The following GNA14 variants were observed in gnomAD, a reference collection of about 807,000 sequenced individuals.
GNA14 encodes the protein G protein subunit alpha 14, also known as guanine nucleotide-binding protein subunit alpha-14.
In GNA14, 50 loss-of-function variants were observed where a neutral mutation model predicts 42.0. The observed-to-expected ratio is 1.19, with a 90% confidence interval of 0.95 to 1.51. The LOEUF (loss-of-function observed/expected upper bound fraction) is 1.51, where lower values mean the gene tolerates loss of function less well. Among genes scored for constraint, GNA14 ranks in the 40% most tolerant of loss-of-function variants. The pLI, the probability that GNA14 is intolerant of heterozygous loss-of-function variation, is 0.00. For missense variants in GNA14, 473 were observed against 446.2 expected (o/e 1.06, Z -0.54); for synonymous variants, 173 against 163.1 (o/e 1.06, Z -0.46).
chr9:77,620,416 G>T (rs1421137011), intron 1 of GNA14, among the ~76,000 whole-genome samples: 1 of 152,198 alleles, frequency 6.6e-6, no homozygotes. Flanking sequence ...TCATCAAACA[G>T]ATGATGCAGC....
At chr9:77,616,370 C>T (rs1018148812) in intron 1 of GNA14, among the ~76,000 whole-genome samples, 7 of 152,186 alleles carry the variant, frequency 4.6e-5, no homozygotes, top group East Asian at 1.9e-4. Flanking sequence ...CTAATCAGAA[C>T]GGATACTGTT....
intron 1 of GNA14, among the ~76,000 whole-genome samples, chr9:77,553,774 A>C (rs1837813309): frequency 6.6e-6 from 1 of 152,208 alleles, no homozygotes; most frequent in Admixed American, 6.5e-5. Flanking sequence ...AAAAATTCCA[A>C]TTCTAGGATA....
At chr9:77,539,461 T>C (rs868842091) in intron 1 of GNA14, among the ~76,000 whole-genome samples, 7 of 152,174 alleles carry the variant, frequency 4.6e-5, no homozygotes, top group Admixed American at 1.3e-4. Flanking sequence ...TATTCGCCTG[T>C]TGTTTTCTTT....
intron 2 of GNA14, among the ~76,000 whole-genome samples, chr9:77,490,516 G>A (rs916853673): frequency 1.1e-4 from 17 of 152,252 alleles, no homozygotes; most frequent in Non-Finnish European, 2.1e-4. Flanking sequence ...CTGCAGTCCC[G>A]AGGCCTGCCT....
At chr9:77,605,135 G>T (rs1238042805) in intron 1 of GNA14, among the ~76,000 whole-genome samples, 2 of 152,182 alleles carry the variant, frequency 1.3e-5, no homozygotes, top group South Asian at 2.1e-4. Flanking sequence ...TTCGTTAAAA[G>T]ATTTAAATCT....
chr9:77,583,929 G>A (rs183732172), intron 1 of GNA14, among the ~76,000 whole-genome samples: 235 of 152,264 alleles, frequency 1.5e-3, no homozygotes, highest in African/African-American at 4.8e-3. Context: ...GGACAAACAC[G>A]ATGCTCCATT....
chr9:77,614,104 T>C (rs765373446), intron 1 of GNA14, among the ~76,000 whole-genome samples: 2 of 152,212 alleles, frequency 1.3e-5, no homozygotes, highest in Non-Finnish European at 2.9e-5. Context: ...CTCCTGTACA[T>C]GGAGTTCAAT....
At chr9:77,434,313 G>A in intron 3 of GNA14, 55 bp downstream of exon 3, 1 of 1,527,506 alleles carries the variant, frequency 6.5e-7, no homozygotes. Flanking sequence ...TCTTTGAAGT[G>A]TGGCCGAGCT....
intron 1 of GNA14, among the ~76,000 whole-genome samples, chr9:77,566,898 A>G (rs767716958): frequency 1.1e-4 from 16 of 152,168 alleles, no homozygotes; most frequent in Non-Finnish European, 2.1e-4. Flanking sequence ...GAACTTCAAT[A>G]GTCTCAAATG....
At chr9:77,489,552 C>T (rs903319653) in intron 2 of GNA14, among the ~76,000 whole-genome samples, 3 of 152,168 alleles carry the variant, frequency 2.0e-5, no homozygotes, top group African/African-American at 7.2e-5. Context: ...AGAATGAAGC[C>T]GCGGACCCTC....
Position 77,648,173 on chromosome 9 carries a change from G to A in GNA14, c.-380C>T, listed in dbSNP as rs942942273. On this transcript the variant is annotated 5_prime_UTR_variant, in exon 1 of 7. Transcript: ENST00000341700. ...GGGGGCGCAGACGAGTTGGAACGTCGGTGCTCGGGGGAGAGTAGGATCTCC... is the reference window on the plus strand; with the variant it reads ...GGGGGCGCAGACGAGTTGGAACGTCAGTGCTCGGGGGAGAGTAGGATCTCC... 1.3e-5 allele frequency: 4 copies of A among 306,102 alleles called. No homozygotes were observed. The highest frequency in any genetic ancestry group is 9.1e-5 in the African/African-American group (4 of 43,744). 19.0% of individuals were successfully genotyped at this position (306,102 alleles called of 1,614,324 possible). A position where few individuals can be genotyped will look rare whatever the true frequency, so the allele number is the denominator to read the frequency against.
intron 2 of GNA14, among the ~76,000 whole-genome samples, chr9:77,495,328 C>T (rs1185745057): frequency 6.6e-6 from 1 of 151,444 alleles, no homozygotes; most frequent in Non-Finnish European, 1.5e-5. Context: ...GAATTTTTCT[C>T]ATCTACCTTA....
chr9:77,565,745 A>G (rs546074337), intron 1 of GNA14, among the ~76,000 whole-genome samples: 2 of 152,240 alleles, frequency 1.3e-5, no homozygotes, highest in South Asian at 4.1e-4. Flanking sequence ...GGCGTGAGCC[A>G]CCGTGCCCAG....
chr9:77,469,365 T>TAAAA (rs10537760), intron 2 of GNA14, among the ~76,000 whole-genome samples: 2 of 116,934 alleles, frequency 1.7e-5, no homozygotes, highest in East Asian at 2.6e-4. Flanking sequence ...TAAACTGTGT[T>TAAAA]AAAAAAAAAA....
intron 2 of GNA14, among the ~76,000 whole-genome samples, chr9:77,494,313 T>C (rs1307238265): frequency 6.6e-6 from 1 of 152,244 alleles, no homozygotes; most frequent in East Asian, 1.9e-4. Context: ...AATGATTTCA[T>C]AGTATTTTGT....
chr9:77,601,407 T>A (rs756499380), intron 1 of GNA14, among the ~76,000 whole-genome samples: 7 of 152,206 alleles, frequency 4.6e-5, no homozygotes, highest in Non-Finnish European at 7.4e-5. Flanking sequence ...TTCACAGATA[T>A]AAACCTCATT....
intron 2 of GNA14, among the ~76,000 whole-genome samples, chr9:77,464,488 A>C (rs986812780): frequency 5.9e-5 from 9 of 152,042 alleles, no homozygotes; most frequent in Non-Finnish European, 1.0e-4. Context: ...CTAGCCACAA[A>C]GTCCATTTTT....
At chr9:77,616,103 G>C (rs987878001) in intron 1 of GNA14, among the ~76,000 whole-genome samples, 1 of 152,174 alleles carries the variant, frequency 6.6e-6, no homozygotes. Context: ...AGTAAACCAT[G>C]AGAGGCCTTG....
intron 2 of GNA14, among the ~76,000 whole-genome samples, chr9:77,458,908 G>GGGGC (rs1836056620): frequency 6.8e-6 from 1 of 147,488 alleles, no homozygotes; most frequent in African/African-American, 2.4e-5. Flanking sequence ...AGCTGGAGGG[G>GGGGC]GGGGGGTTGT....
Sources: gnomAD v4.1 joint callset for allele counts (sites outside exome capture counted in the v4.1 genomes callset) on GRCh38, gnomAD v4.1.1 for gene constraint, MANE v1.5 for transcripts, NCBI Gene and HGNC (gene_info 2026-07-23, HGNC 2026-07-21) for gene names.